Variants in BPTF observed in about 807,000 individuals in gnomAD.
The protein encoded by BPTF is bromodomain PHD finger transcription factor.
Under a neutral mutation model 292.5 loss-of-function variants are expected in BPTF, and 18 were observed. The observed-to-expected ratio is 0.06, with a 90% confidence interval of 0.04 to 0.09. The LOEUF (loss-of-function observed/expected upper bound fraction) is 0.09, where lower values mean the gene tolerates loss of function less well. Ranked by LOEUF, BPTF falls within the 10% of genes least tolerant of loss-of-function variation. The pLI is 1.00. For missense variants in BPTF, 2,726 were observed against 3,498.7 expected (o/e 0.78, Z 5.57); for synonymous variants, 1,225 against 1,251.9 (o/e 0.98, Z 0.45).
intron 1 of BPTF, among the ~76,000 whole-genome samples, chr17:67,839,717 T>A (rs1176298739): frequency 1.3e-5 from 2 of 152,216 alleles, no homozygotes; most frequent in Non-Finnish European, 2.9e-5. Flanking sequence ...TTCAGTTATC[T>A]CTGGTTTTTG....
At chr17:67,884,445 T>C (rs2060624797) in intron 4 of BPTF, among the ~76,000 whole-genome samples, 1 of 151,240 alleles carries the variant, frequency 6.6e-6, no homozygotes, top group African/African-American at 2.4e-5. Context: ...TGACAAGTTC[T>C]CACTTTGTTA....
intron 20 of BPTF, 157 bp downstream of exon 20, chr17:67,944,529 C>A (rs1448468872): frequency 6.7e-6 from 5 of 743,858 alleles, no homozygotes; most frequent in African/African-American, 5.3e-5. Flanking sequence ...CGTCTCGAAG[C>A]TTTTGTACCC....
chr17:67,837,197 A>G (rs779050102), intron 1 of BPTF, among the ~76,000 whole-genome samples: 7 of 152,188 alleles, frequency 4.6e-5, no homozygotes, highest in Non-Finnish European at 1.0e-4. Flanking sequence ...AACTAGTCCT[A>G]TTGAGAATTC....
chr17:67,947,789 G>A lies in BPTF; in HGVS notation c.7681G>A (p.Glu2561Lys). Residue 2561 changes from glutamate (E) to lysine (K), a missense_variant, in exon 22 of 28, where the codon GAA (glutamate) becomes AAA (lysine). Around this residue, in one of 22 missense-constraint regions of BPTF, gnomAD observed 570 missense variants for 633.5 expected, o/e 0.90. Coordinates refer to ENST00000306378, the MANE Select transcript of BPTF (RefSeq NM_182641.4). ...ACAGAAAAAGAGCATGACTCCAGCT[G>A]AAAGAGAAGAGAATCAAAGGTAGGG... The part of the protein sequence containing the change: ...LKQKKSMTPA[E>K]REENQRMIVC... 1 of 1,552,542 alleles carries A rather than the reference G, an allele frequency of 6.4e-7. No individual in the cohort carries two copies. Among genetic ancestry groups the A allele is most frequent in the Non-Finnish European group, 8.7e-7 (1 of 1,147,344 alleles).
Position 67,959,567 on chromosome 17 carries a change from T to G in BPTF, c.7953T>G (p.Ile2651Met), listed in dbSNP as rs2067271248. The G allele has an allele frequency of 6.6e-7, 1 of 1,525,982 alleles. No individual in the cohort carries two copies. Among genetic ancestry groups the G allele is most frequent in the East Asian group, 2.3e-5 (1 of 44,162 alleles). 94.5% of individuals were successfully genotyped at this position (1,525,982 alleles called of 1,614,324 possible). ...VQEELKRDLKIKKEKDLMQLA... is the reference protein window; with the variant it reads ...VQEELKRDLKMKKEKDLMQLA... ...AAGAGCTGAAGAGAGACCTGAAAAT[T>G]AAGAAAGAAAAAGACCTGATGCAGT... The change falls in exon 24 of 28, where the codon ATT becomes ATG. Residue 2651 changes from isoleucine (I) to methionine (M), a missense_variant. Ile to Met is a conservative substitution (Grantham distance 10). This residue lies in a region of BPTF where 148 missense variants were observed against 145.5 expected (regional missense o/e 1.02). Coordinates refer to ENST00000306378, the MANE Select transcript of BPTF (RefSeq NM_182641.4).
At position 67,945,967 on chromosome 17, in the gene BPTF, G is replaced by A. The variant is rs782257625; in HGVS notation, c.7259G>A (p.Arg2420His). 36 of 1,613,868 alleles carry A rather than the reference G, an allele frequency of 2.2e-5. No homozygotes were observed. The highest frequency in any genetic ancestry group is 1.5e-4 in the Admixed American group (9 of 59,970). The part of the protein sequence containing the change: ...LNQVTVSSPS[R>H]PQLQIQQPQP... ...CAAGTTACTGTTTCATCCCCATCCC[G>A]TCCTCAGCTACAAATACAGCAGCCA... Residue 2420 changes from arginine (R) to histidine (H), a missense_variant, in exon 21 of 28, where the codon CGT (arginine) becomes CAT (histidine). Coordinates refer to ENST00000306378, the MANE Select transcript of BPTF (RefSeq NM_182641.4).
At chr17:67,955,136 C>A (rs1598896234) in intron 23 of BPTF, among the ~76,000 whole-genome samples, 1 of 151,688 alleles carries the variant, frequency 6.6e-6, no homozygotes, top group Non-Finnish European at 1.5e-5. Flanking sequence ...AAAAAAAATA[C>A]AAAAATTAGC....
chr17:67,891,617 C>T, intron 4 of BPTF: 1 of 356,910 alleles, frequency 2.8e-6, no homozygotes. Context: ...CAGCATGTTT[C>T]AATTTTTTGT....
At chr17:67,879,974 T>C (rs78933019) in intron 4 of BPTF, among the ~76,000 whole-genome samples, 7,258 of 152,294 alleles carry the variant, frequency 0.048, 220 homozygotes, top group South Asian at 0.11. Context: ...GACAAACATC[T>C]AAACTATCCA....
chr17:67,939,974 G>A (rs1235817133), intron 18 of BPTF, among the ~76,000 whole-genome samples: 1 of 152,232 alleles, frequency 6.6e-6, no homozygotes, highest in Non-Finnish European at 1.5e-5. Context: ...CTGTCAAATA[G>A]CTGTAAGAGA....
chr17:67,929,146 C>T (rs2064150477), intron 16 of BPTF, 190 bp from the exon 17 acceptor site: 1 of 1,353,974 alleles, frequency 7.4e-7, no homozygotes. Context: ...AGTTTTAATT[C>T]ACATTTGCCA....
At chr17:67,954,578 A>G (rs1346937251) in intron 23 of BPTF, among the ~76,000 whole-genome samples, 63 of 152,066 alleles carry the variant, frequency 4.1e-4, no homozygotes, top group Non-Finnish European at 1.8e-4. Context: ...CTGAATCTGG[A>G]GCCTAGCAGG....
rs372545332 is a variant in BPTF at position 67,911,652 on chromosome 17, A to T, written c.3768A>T (p.Ser1256=). 6.2e-7 allele frequency: 1 copy of T among 1,614,102 alleles called. No individual in the cohort carries two copies. Among genetic ancestry groups the T allele is most frequent in the African/African-American group, 1.3e-5 (1 of 74,950 alleles). The change falls in exon 11 of 28, where the codon TCA becomes TCT. Residue 1256 remains serine, a synonymous_variant. Coordinates refer to ENST00000306378, the MANE Select transcript of BPTF (RefSeq NM_182641.4). ...VSSSKSALHS[S]VPKSTNDRDA... ...CTTCCAAGAGTGCTTTACATTCATCAGTGCCTAAAAGTACCAATGACAGAG... is the reference window on the plus strand; with the variant it reads ...CTTCCAAGAGTGCTTTACATTCATCTGTGCCTAAAAGTACCAATGACAGAG...
chr17:67,939,192 G>A (rs183207124), intron 18 of BPTF, among the ~76,000 whole-genome samples: 80 of 152,238 alleles, frequency 5.3e-4, no homozygotes, highest in African/African-American at 1.6e-3. Flanking sequence ...TTACCATGGC[G>A]TTAGTTTAAC....
intron 4 of BPTF, among the ~76,000 whole-genome samples, chr17:67,879,164 T>C (rs2060233364): frequency 6.9e-6 from 1 of 145,356 alleles, no homozygotes; most frequent in Non-Finnish European, 1.5e-5. Context: ...CTTTTTGAGA[T>C]GGAGTTTCAG....
chr17:67,847,565 T>G (rs1231485773), intron 1 of BPTF, among the ~76,000 whole-genome samples: 5 of 148,092 alleles, frequency 3.4e-5, no homozygotes, highest in Non-Finnish European at 1.5e-5. Flanking sequence ...TAATCCCAGT[T>G]GTTTGGGAGT....
intron 1 of BPTF, among the ~76,000 whole-genome samples, chr17:67,835,854 A>G (rs1256336499): frequency 6.6e-6 from 1 of 151,798 alleles, no homozygotes; most frequent in African/African-American, 2.4e-5. Flanking sequence ...TTTAGTAGAG[A>G]TGGGGTTTCA....
chr17:67,973,811 A>C (rs1306391638), intron 26 of BPTF: 2 of 151,854 alleles, frequency 1.3e-5, no homozygotes, highest in African/African-American at 4.8e-5. Flanking sequence ...CCGCAACCTC[A>C]TTTATGAATG....
chr17:67,937,637 A>G (rs1326035825), intron 18 of BPTF, among the ~76,000 whole-genome samples: 3 of 151,488 alleles, frequency 2.0e-5, no homozygotes, highest in African/African-American at 7.3e-5. Flanking sequence ...GCAGGAGTGG[A>G]CCTGGTGACA....
Sources: allele counts gnomAD v4.1 joint callset (sites outside exome capture counted in the v4.1 genomes callset), GRCh38; gene constraint gnomAD v4.1.1; regional missense constraint gnomAD v4.1.1; transcripts MANE v1.5; gene names NCBI Gene and HGNC (gene_info 2026-07-23, HGNC 2026-07-21).